Variants in SCAPER observed in about 807,000 individuals in gnomAD.
The protein encoded by SCAPER is S phase cyclin A-associated protein in the endoplasmic reticulum.
Under a neutral mutation model 182.2 loss-of-function variants are expected in SCAPER, and 98 were observed. That is an observed-to-expected ratio of 0.54 (90% CI 0.46 to 0.64). The LOEUF (loss-of-function observed/expected upper bound fraction) is 0.64, where lower values mean the gene tolerates loss of function less well. SCAPER is among the 30% of genes least tolerant of loss of function. The pLI, the probability that SCAPER is intolerant of heterozygous loss-of-function variation, is 0.00. For missense variants in SCAPER, 1,432 were observed against 1,690.0 expected, an observed-to-expected ratio of 0.85 and a Z score of 2.68; for synonymous variants, 605 against 564.6, an observed-to-expected ratio of 1.07 and a Z score of -1.01.
At chr15:76,691,096 A>G (rs1339984102) in intron 20 of SCAPER, among the ~76,000 whole-genome samples, 1 of 152,114 alleles carries the variant, frequency 6.6e-6, no homozygotes, top group African/African-American at 2.4e-5. Flanking sequence ...ATTAGAAAAT[A>G]CCTTACAAAC....
chr15:76,348,634 T>C lies in SCAPER; in HGVS notation c.4202A>G (p.Ter1401=), dbSNP rs1673808824. Reference sequence around the variant, plus strand: ...CAAATACAGAATCAACCAAAACATTTATTTTTTCTCTTTTTTCAAGAAAAA... The same window carrying C: ...CAAATACAGAATCAACCAAAACATTCATTTTTTCTCTTTTTTCAAGAAAAA... ...RQFFLKKEKK[*] is the part of the protein sequence containing the mutation. Residue 1401 remains the stop codon, a stop_retained_variant, in exon 32 of 32, where the codon TAA becomes TGA. Transcript: ENST00000563290. 11 of 1,532,960 alleles carry C rather than the reference T, an allele frequency of 7.2e-6. No homozygotes were observed. The highest frequency in any genetic ancestry group is 7.9e-6 in the Non-Finnish European group (9 of 1,137,294). The allele number at this position is 1,532,960 out of a possible 1,614,324, so 95.0% of individuals were successfully genotyped here.
At chr15:76,574,435 T>A (rs1263280728) in intron 22 of SCAPER, among the ~76,000 whole-genome samples, 151 bp from the exon 23 acceptor site, 1 of 152,172 alleles carries the variant, frequency 6.6e-6, no homozygotes, top group African/African-American at 2.4e-5. Flanking sequence ...AGACAACCAA[T>A]AAAGCTAGTG....
chr15:76,766,057 C>G (rs1026367904), intron 11 of SCAPER, among the ~76,000 whole-genome samples: 8 of 151,646 alleles, frequency 5.3e-5, no homozygotes, highest in African/African-American at 1.9e-4. Context: ...CACTTAGTAA[C>G]AGAAGGTAGT....
intron 2 of SCAPER, among the ~76,000 whole-genome samples, chr15:76,875,461 T>C (rs1471196252): frequency 1.3e-5 from 2 of 152,188 alleles, no homozygotes. Flanking sequence ...CTGGCCAATA[T>C]GGCAAAACCC....
intron 24 of SCAPER, among the ~76,000 whole-genome samples, chr15:76,492,622 T>C (rs985530790): frequency 1.6e-4 from 25 of 152,296 alleles, no homozygotes; most frequent in African/African-American, 6.0e-4. Context: ...AATGTTATTG[T>C]TTCAGTGATA....
chr15:76,560,987 T>C (rs2046573009), intron 23 of SCAPER, among the ~76,000 whole-genome samples: 1 of 152,200 alleles, frequency 6.6e-6, no homozygotes, highest in Non-Finnish European at 1.5e-5. Context: ...TGAAGACAGC[T>C]AGCATCAGGA....
At chr15:76,758,708 T>C (rs1488038721) in intron 14 of SCAPER, among the ~76,000 whole-genome samples, 1 of 152,170 alleles carries the variant, frequency 6.6e-6, no homozygotes, top group Non-Finnish European at 1.5e-5. Flanking sequence ...TTAATTCTTC[T>C]AATCCATGAA....
intron 23 of SCAPER, among the ~76,000 whole-genome samples, chr15:76,554,405 T>C (rs1432009622): frequency 1.3e-5 from 2 of 152,158 alleles, no homozygotes; most frequent in South Asian, 2.1e-4. Context: ...CTGGAAAACA[T>C]ATTTGAGAAT....
At chr15:76,599,638 G>T (rs1180871995) in intron 22 of SCAPER, among the ~76,000 whole-genome samples, 5 of 121,906 alleles carry the variant, frequency 4.1e-5, no homozygotes, top group African/African-American at 1.3e-4. Flanking sequence ...CATACTATTT[G>T]ATTTCATTTA....
At chr15:76,359,885 G>C (rs559747731) in intron 29 of SCAPER, among the ~76,000 whole-genome samples, 1 of 152,286 alleles carries the variant, frequency 6.6e-6, no homozygotes, top group Admixed American at 6.5e-5. Context: ...GTGACAGGGG[G>C]CCCCTAGTTA....
intron 5 of SCAPER, among the ~76,000 whole-genome samples, chr15:76,839,803 A>AG (rs2079368563): frequency 6.6e-6 from 1 of 152,250 alleles, no homozygotes; most frequent in South Asian, 2.1e-4. Context: ...CCTAAAACAC[A>AG]GTCATGTCAG....
At chr15:76,582,709 G>A (rs2048353382) in intron 22 of SCAPER, among the ~76,000 whole-genome samples, 2 of 152,068 alleles carry the variant, frequency 1.3e-5, no homozygotes, top group Admixed American at 1.3e-4. Context: ...ATACTACAAA[G>A]CTATAGTAAC....
rs145234208 is a variant in SCAPER at position 76,436,889 on chromosome 15, T to C, written c.3079-2579A>G. 1.4e-3 allele frequency among the ~76,000 whole-genome samples: 206 copies of C among 152,350 alleles called. 3 individuals are homozygous for C. In the East Asian group the frequency reaches 0.034, roughly 25 times the overall value. The stretch of plus-strand genomic sequence containing the variant: ...CCAGCTTTTAATATTTATAAGTCTA[T>C]TGTCCTGGGACAGTTAATTTCATGA... On this transcript the variant is annotated intron_variant, in intron 25 of 31. Transcript: ENST00000563290.
rs190200693 is a variant in SCAPER, at chr15:76,376,020, A to G, written c.3855+142T>C. The stretch of plus-strand genomic sequence containing the variant: ...AAAATCTATTTGAAGAGAAGGAGCT[A>G]GAGGCATATTCCTGCAGTCTGGTTA... On this transcript the variant is annotated intron_variant, in intron 29 of 31. Transcript: ENST00000563290. 682 of 960,702 alleles carry G rather than the reference A, an allele frequency of 7.1e-4. 9 individuals carry two copies. In the East Asian group the frequency reaches 0.015, roughly 22 times the overall value. 59.5% of individuals were successfully genotyped at this position (960,702 alleles called of 1,614,324 possible). A position where few individuals can be genotyped will look rare whatever the true frequency, so the allele number is the denominator to read the frequency against.
chr15:76,603,290 T>C (rs2050069848), intron 22 of SCAPER, among the ~76,000 whole-genome samples: 1 of 118,822 alleles, frequency 8.4e-6, no homozygotes, highest in African/African-American at 2.5e-5. Flanking sequence ...GCGGTGTTTT[T>C]TTGTCCTTGC....
chr15:76,545,732 G>C (rs157770), intron 23 of SCAPER, among the ~76,000 whole-genome samples: 147,566 of 152,202 alleles, frequency 0.97, 71,690 homozygotes, highest in South Asian at 1. Flanking sequence ...AGTGGTCTCA[G>C]TAAGTCGAGA....
At chr15:76,591,424 T>C (rs932493160) in intron 22 of SCAPER, among the ~76,000 whole-genome samples, 1 of 152,200 alleles carries the variant, frequency 6.6e-6, no homozygotes, top group Non-Finnish European at 1.5e-5. Flanking sequence ...TGGACAACAA[T>C]AGAGTAATTC....
chr15:76,564,903 A>C (rs1433234523), intron 23 of SCAPER, among the ~76,000 whole-genome samples: 1 of 152,190 alleles, frequency 6.6e-6, no homozygotes, highest in Non-Finnish European at 1.5e-5. Context: ...AAACCTGACA[A>C]AAACAAGCAA....
intron 15 of SCAPER, among the ~76,000 whole-genome samples, chr15:76,742,788 A>G (rs1472728186): frequency 6.6e-6 from 1 of 152,054 alleles, no homozygotes; most frequent in Non-Finnish European, 1.5e-5. Context: ...AAACATCTTG[A>G]GTATGTAACA....
Sources: gnomAD v4.1 joint callset for allele counts (sites outside exome capture counted in the v4.1 genomes callset) on GRCh38, gnomAD v4.1.1 for gene constraint, MANE v1.5 for transcripts, NCBI Gene and HGNC (gene_info 2026-07-23, HGNC 2026-07-21) for gene names.